Variants in SRD5A2 observed in about 807,000 individuals in gnomAD.
SRD5A2 encodes the protein steroid 5 alpha-reductase 2, also known as 3-oxo-5-alpha-steroid 4-dehydrogenase 2.
A neutral mutation model predicts 27.4 loss-of-function variants in SRD5A2; 30 were observed. That is an observed-to-expected ratio of 1.10 (90% CI 0.82 to 1.49). SRD5A2 has a LOEUF of 1.49. SRD5A2 is among the 40% of genes most tolerant of loss of function. SRD5A2 has a pLI of 0.00. For synonymous variants in SRD5A2, 141 were observed against 133.6 expected (o/e 1.06, Z -0.38); for missense variants, 348 against 323.4 (o/e 1.08, Z -0.58).
At position 31,524,292 on chromosome 2, in the gene SRD5A2, C is replaced by A; in HGVS notation, c.*1904G>T. On this transcript the variant is annotated 3_prime_UTR_variant, in exon 5 of 5. Transcript: ENST00000622030. ...TACTTCACCAAGTGTGTTCATTCCC[C>A]CTGTGTATTCCTCAGCACCAGGAGT... 1 of 227,942 alleles carries A rather than the reference C, an allele frequency of 4.4e-6. No homozygotes were observed. The highest frequency in any genetic ancestry group is 8.7e-6 in the Non-Finnish European group (1 of 114,768). 14.1% of individuals were successfully genotyped at this position (227,942 alleles called of 1,614,324 possible). A position where few individuals can be genotyped will look rare whatever the true frequency, so the allele number is the denominator to read the frequency against.
intron 1 of SRD5A2, among the ~76,000 whole-genome samples, chr2:31,573,703 C>T (rs1186813429): frequency 6.6e-6 from 1 of 152,190 alleles, no homozygotes; most frequent in African/African-American, 2.4e-5. Context: ...CCTGATGGGT[C>T]AATCTGGGAG....
chr2:31,648,599 G>A, the SRD5A2 span, among the ~76,000 whole-genome samples: 5 of 152,154 alleles, frequency 3.3e-5, no homozygotes, highest in Non-Finnish European at 4.4e-5. Context: ...GTGTTAGTCC[G>A]TGGACCAACA....
chr2:31,529,385 G>T lies in SRD5A2; in HGVS notation c.620C>A (p.Ala207Asp), dbSNP rs767564684. 13 of 1,613,810 alleles carry T rather than the reference G, an allele frequency of 8.1e-6. No individual in the cohort carries two copies. Among genetic ancestry groups the T allele is most frequent in the Admixed American group, 5.0e-5 (3 of 59,998 alleles). Residue 207 changes from alanine to aspartate, a missense_variant, in exon 4 of 5, where the codon GCC becomes GAC. Coordinates refer to ENST00000622030, the MANE Select transcript of SRD5A2 (RefSeq NM_000348.4). ...EIIEWIGYAL[A>D]TWSLPALAFA... ...TGCAAGTGCTGGGAGGGACCAAGTG[G>T]CCAGGGCATAGCCGATCCATTCAAT...
the SRD5A2 span, among the ~76,000 whole-genome samples, chr2:31,593,185 C>T: frequency 2.0e-5 from 3 of 151,898 alleles, no homozygotes; most frequent in Non-Finnish European, 4.4e-5. Context: ...GGGTGCAGCA[C>T]ACCAGCATGG....
intron 1 of SRD5A2, among the ~76,000 whole-genome samples, chr2:31,549,414 A>G (rs1666338853): frequency 6.6e-6 from 1 of 152,014 alleles, no homozygotes; most frequent in Non-Finnish European, 1.5e-5. Context: ...CTTACTAGGT[A>G]CAGAGTTTCA....
chr2:31,553,163 A>C (rs1054595086), intron 1 of SRD5A2, among the ~76,000 whole-genome samples: 2 of 152,172 alleles, frequency 1.3e-5, no homozygotes, highest in Non-Finnish European at 2.9e-5. Context: ...CAAACACAGA[A>C]TTGATCAAAC....
the SRD5A2 span, among the ~76,000 whole-genome samples, chr2:31,597,681 G>T: frequency 6.6e-6 from 1 of 152,016 alleles, no homozygotes; most frequent in East Asian, 1.9e-4. Context: ...TACACAAATG[G>T]CCAAGAAACA....
At chr2:31,649,787 T>C in the SRD5A2 span, among the ~76,000 whole-genome samples, 3 of 152,160 alleles carry the variant, frequency 2.0e-5, no homozygotes, top group Non-Finnish European at 2.9e-5. Context: ...CCATAGGATA[T>C]TCACATAATA....
At chr2:31,627,933 G>A in the SRD5A2 span, among the ~76,000 whole-genome samples, 1 of 152,082 alleles carries the variant, frequency 6.6e-6, no homozygotes, top group Non-Finnish European at 1.5e-5. Flanking sequence ...CTGCAGATGA[G>A]AAGAATGTAT....
rs967550083 is a variant in SRD5A2 at position 31,560,047 on chromosome 2, C to G, written c.281+20573G>C. Among the ~76,000 whole-genome samples the G allele has an allele frequency of 1.7e-4, 21 of 123,592 alleles. 1 individual carries two copies. In the South Asian group the frequency reaches 2.8e-3, roughly 17 times the overall value. The allele number at this position is 123,592 out of a possible 152,430, so 81.1% of individuals were successfully genotyped here. ...TGTACGTTCCCACAATATCTATGTA[C>G]ATACCAATCCCCCCCCCCCCCTTTT... On this transcript the variant is annotated intron_variant, in intron 1 of 4. Transcript: ENST00000622030.
chr2:31,662,217 T>C, the SRD5A2 span, among the ~76,000 whole-genome samples: 2 of 152,178 alleles, frequency 1.3e-5, no homozygotes, highest in South Asian at 2.1e-4. Flanking sequence ...GTATTACCTA[T>C]TGAACATTAT....
At chr2:31,654,967 T>A in the SRD5A2 span, among the ~76,000 whole-genome samples, 12 of 152,208 alleles carry the variant, frequency 7.9e-5, no homozygotes, top group East Asian at 1.9e-4. Flanking sequence ...CCTTTCTTCT[T>A]CTCCAAGTTC....
chr2:31,586,511 T>C, the SRD5A2 span, among the ~76,000 whole-genome samples: 1 of 152,162 alleles, frequency 6.6e-6, no homozygotes, highest in Non-Finnish European at 1.5e-5. Flanking sequence ...TCAGGGGTGC[T>C]GGTTTCACTC....
chr2:31,657,690 T>G, the SRD5A2 span, among the ~76,000 whole-genome samples: 54 of 152,282 alleles, frequency 3.5e-4, no homozygotes, highest in African/African-American at 1.3e-3. Context: ...AGTGATAAAT[T>G]CTTACTTTAC....
At chr2:31,529,174 C>T (rs372064301) in intron 4 of SRD5A2, 133 bp downstream of exon 4, 1 of 1,292,718 alleles carries the variant, frequency 7.7e-7, no homozygotes, top group Middle Eastern at 2.7e-4. Flanking sequence ...AATATGCTAA[C>T]CCAGATTATA....
chr2:31,539,066 G>T (rs949793613), intron 1 of SRD5A2, among the ~76,000 whole-genome samples: 2 of 152,162 alleles, frequency 1.3e-5, no homozygotes, highest in East Asian at 3.9e-4. Flanking sequence ...TTCCAGGGGG[G>T]TGTGAAGTGG....
intron 1 of SRD5A2, among the ~76,000 whole-genome samples, chr2:31,534,740 A>G (rs1665989821): frequency 6.6e-6 from 1 of 152,190 alleles, no homozygotes; most frequent in Non-Finnish European, 1.5e-5. Context: ...GATTTCACAG[A>G]TAATCACAGT....
the SRD5A2 span, among the ~76,000 whole-genome samples, chr2:31,606,846 A>G: frequency 1.2e-4 from 18 of 151,900 alleles, no homozygotes; most frequent in Admixed American, 1.3e-4. Flanking sequence ...TAAACAATAG[A>G]AATTTATTTT....
At chr2:31,627,995 G>T in the SRD5A2 span, among the ~76,000 whole-genome samples, 2 of 152,026 alleles carry the variant, frequency 1.3e-5, no homozygotes, top group African/African-American at 4.8e-5. Context: ...AGTTGCATTT[G>T]GTCAAGTGTT....
Sources: allele counts gnomAD v4.1 joint callset (sites outside exome capture counted in the v4.1 genomes callset), GRCh38; gene constraint gnomAD v4.1.1; transcripts MANE v1.5; gene names NCBI Gene and HGNC (gene_info 2026-07-23, HGNC 2026-07-21).